The following TIMP2 variants were observed in gnomAD, a reference collection of about 807,000 sequenced individuals.
TIMP2 encodes TIMP metallopeptidase inhibitor 2.
In TIMP2, 5 loss-of-function variants were observed where a neutral mutation model predicts 24.3. That is an observed-to-expected ratio of 0.21 (90% CI 0.11 to 0.43). The LOEUF (loss-of-function observed/expected upper bound fraction) is 0.43, where lower values mean the gene tolerates loss of function less well. Ranked by LOEUF, TIMP2 falls within the 20% of genes least tolerant of loss-of-function variation. The pLI is 1.00. For synonymous variants in TIMP2, 130 were observed against 123.2 expected (o/e 1.06, Z -0.37); for missense variants, 221 against 297.5 (o/e 0.74, Z 1.89).
chr17:78,913,211 A>C (rs1352835525), intron 1 of TIMP2, among the ~76,000 whole-genome samples: 1 of 152,208 alleles, frequency 6.6e-6, no homozygotes, highest in Non-Finnish European at 1.5e-5. Flanking sequence ...ACAAGGGCTG[A>C]GACCCGCGGC....
At chr17:78,922,098 G>A (rs1023131611) in intron 1 of TIMP2, 3 of 152,230 alleles carry the variant, frequency 2.0e-5, no homozygotes, top group Non-Finnish European at 4.4e-5. Context: ...CGAAGTCTGA[G>A]CAAGACCCTC....
At chr17:78,874,938 G>A (rs534471181) in intron 1 of TIMP2, among the ~76,000 whole-genome samples, 3 of 152,072 alleles carry the variant, frequency 2.0e-5, no homozygotes, top group Non-Finnish European at 4.4e-5. Flanking sequence ...AAAGCGTTTC[G>A]CCATGTTGGC....
rs556052287 is a variant in TIMP2, at chr17:78,874,744, A to ATGT, written c.131-826_131-825insACA. 1.2e-4 allele frequency among the ~76,000 whole-genome samples: 16 copies of ATGT among 138,176 alleles called. No homozygotes were observed. The East Asian group carries it at 3.4e-3, about 29-fold the overall frequency. 90.6% of individuals were successfully genotyped at this position (138,176 alleles called of 152,430 possible). A position where few individuals can be genotyped will look rare whatever the true frequency, so the allele number is the denominator to read the frequency against. On this transcript the variant is annotated intron_variant, in intron 1 of 4. Coordinates refer to ENST00000262768, the MANE Select transcript of TIMP2 (RefSeq NM_003255.5). The stretch of plus-strand genomic sequence containing the variant: ...AGGCGTCTGTCACCACGCCCGGTTA[A>ATGT]TTTTTTTTTTTTTTCAGACGGAGTC...
At position 78,863,714 on chromosome 17, in the gene TIMP2, A is replaced by G. The variant is rs561769828; in HGVS notation, c.341-6068T>C. Among the ~76,000 whole-genome samples the G allele has an allele frequency of 1.2e-4, 19 of 152,080 alleles. No individual in the cohort carries two copies. The East Asian group carries it at 3.5e-3, about 28-fold the overall frequency. On this transcript the variant is annotated intron_variant, in intron 3 of 4. Coordinates refer to ENST00000262768, the MANE Select transcript of TIMP2 (RefSeq NM_003255.5). ...TCAGTATGACTCTCTGTATCGACTC[A>G]CCAGCTTTTCATGCAGTGCTGTGCT...
intron 3 of TIMP2, among the ~76,000 whole-genome samples, chr17:78,861,483 G>T (rs1393869877): frequency 2.6e-5 from 4 of 152,144 alleles, no homozygotes; most frequent in Admixed American, 6.6e-5. Flanking sequence ...TTGTTCTAAT[G>T]ATATGCTTCA....
At chr17:78,892,660 G>C in intron 1 of TIMP2, 2 of 738,264 alleles carry the variant, frequency 2.7e-6, no homozygotes, top group East Asian at 2.8e-5. Flanking sequence ...AGAGCCTGTA[G>C]GGCAGCTGTT....
intron 1 of TIMP2, among the ~76,000 whole-genome samples, chr17:78,909,270 G>C (rs563917676): frequency 2.0e-5 from 3 of 152,000 alleles, no homozygotes; most frequent in Non-Finnish European, 4.4e-5. Context: ...TGGGAGGACT[G>C]CTTGAGCCCA....
chr17:78,920,915 C>G lies in TIMP2; in HGVS notation c.130+4044G>C, dbSNP rs777073655. On this transcript the variant is annotated intron_variant, in intron 1 of 4. Transcript: ENST00000262768. This position sits in a 1 kb window ranked among gnomAD's most constrained non-coding sequence, Gnocchi z 4.5. ...ATGTCTTGCTTCTCCCTTACATCCC[C>G]GGGGGCAGAGGCAGCCACTCCATAA... Among the ~76,000 whole-genome samples the G allele has an allele frequency of 4.6e-5, 7 of 152,058 alleles. No homozygotes were observed. Among genetic ancestry groups the G allele is most frequent in the African/African-American group, 7.2e-5 (3 of 41,404 alleles).
At chr17:78,902,171 A>G (rs1413255438) in intron 1 of TIMP2, among the ~76,000 whole-genome samples, 1 of 152,124 alleles carries the variant, frequency 6.6e-6, no homozygotes, top group Non-Finnish European at 1.5e-5. Context: ...CAGTGGTGCG[A>G]TCTCAGCTTA....
rs777338932 is a variant in TIMP2, at chr17:78,910,984, G to A, written c.130+13975C>T. On this transcript the variant is annotated intron_variant, in intron 1 of 4. Coordinates refer to ENST00000262768, the MANE Select transcript of TIMP2 (RefSeq NM_003255.5). ...CTTTCCTTTGGATAAATGCCCAGTC[G>A]TGGGACTGCTGGATCATATGGCCGT... 3.6e-4 allele frequency among the ~76,000 whole-genome samples: 55 copies of A among 152,162 alleles called. 1 individual carries two copies. The highest frequency in any genetic ancestry group is 7.5e-4 in the Non-Finnish European group (51 of 68,034).
rs2070299947 is a variant in TIMP2 at position 78,920,358 on chromosome 17, A to C, written c.130+4601T>G. ...ACTGCGTACGTGGCTCTGCACCCCCAGAAGGGTGCAAATAGGGGAGGCCCG... is the reference window on the plus strand; with the variant it reads ...ACTGCGTACGTGGCTCTGCACCCCCCGAAGGGTGCAAATAGGGGAGGCCCG... On this transcript the variant is annotated intron_variant, in intron 1 of 4. Transcript: ENST00000262768. The surrounding 1 kb of genome is among the most constrained non-coding windows in gnomAD (Gnocchi z 4.5). 6.6e-6 allele frequency among the ~76,000 whole-genome samples: 1 copy of C among 152,164 alleles called. No homozygotes were observed. Among genetic ancestry groups the C allele is most frequent in the Non-Finnish European group, 1.5e-5 (1 of 68,022 alleles).
In TIMP2 at chr17:78,924,238, G is replaced by A. The variant is rs1356881211; in HGVS notation, c.130+721C>T. ...GCTGGGGAATCTGAGCAGCAGCACAGTCCCACGTGCCGGGTCCGGTCACCA... is the reference window on the plus strand; with the variant it reads ...GCTGGGGAATCTGAGCAGCAGCACAATCCCACGTGCCGGGTCCGGTCACCA... On this transcript the variant is annotated intron_variant, in intron 1 of 4. Transcript: ENST00000262768. The surrounding 1 kb of genome is among the most constrained non-coding windows in gnomAD (Gnocchi z 5.3). Among the ~76,000 whole-genome samples, 1 of 152,250 alleles carries A rather than the reference G, an allele frequency of 6.6e-6. No homozygotes were observed. The highest frequency in any genetic ancestry group is 1.5e-5 in the Non-Finnish European group (1 of 68,040).
chr17:78,880,266 T>A (rs1380640306), intron 1 of TIMP2, among the ~76,000 whole-genome samples: 2 of 151,954 alleles, frequency 1.3e-5, no homozygotes, highest in African/African-American at 4.8e-5. Context: ...CGTCCTCACG[T>A]CCCCTTCATA....
rs1402053558 is a variant in TIMP2, at chr17:78,920,850, C to G, written c.130+4109G>C. Among the ~76,000 whole-genome samples, 2 of 152,102 alleles carry G rather than the reference C, an allele frequency of 1.3e-5. No homozygotes were observed. The highest frequency in any genetic ancestry group is 4.8e-5 in the African/African-American group (2 of 41,410). ...GAACCCCCTTCCACACCGCCTGGTG[C>G]CAAGATGTACCACCCCCTGCATCCC... On this transcript the variant is annotated intron_variant, in intron 1 of 4. Transcript: ENST00000262768. This position sits in a 1 kb window ranked among gnomAD's most constrained non-coding sequence, Gnocchi z 4.5.
intron 1 of TIMP2, among the ~76,000 whole-genome samples, chr17:78,923,755 T>C (rs889717041): frequency 2.6e-5 from 4 of 152,042 alleles, no homozygotes. Flanking sequence ...CTCAATAGAT[T>C]GGTGCAACTG....
chr17:78,869,865 G>A (rs942423027), intron 3 of TIMP2, among the ~76,000 whole-genome samples: 14 of 152,174 alleles, frequency 9.2e-5, no homozygotes, highest in African/African-American at 2.7e-4. Flanking sequence ...TAACGTGAAC[G>A]AACCTTGAAA....
chr17:78,895,076 T>C (rs1439261691), intron 1 of TIMP2, among the ~76,000 whole-genome samples: 2 of 151,568 alleles, frequency 1.3e-5, no homozygotes. Context: ...AGGTCAGGAG[T>C]TCGAAAGCAG....
At chr17:78,897,107 C>A (rs1341557164) in intron 1 of TIMP2, 1 of 559,566 alleles carries the variant, frequency 1.8e-6, no homozygotes, top group Admixed American at 6.4e-5. Context: ...CCCCCCGCCC[C>A]CCGCCGGCCT....
rs111798434 is a variant in TIMP2 at position 78,872,905 on chromosome 17, C to T, written c.231+914G>A. On this transcript the variant is annotated intron_variant, in intron 2 of 4. Coordinates refer to ENST00000262768, the MANE Select transcript of TIMP2 (RefSeq NM_003255.5). The stretch of plus-strand genomic sequence containing the variant: ...AATGCAGTGGTGCAATCTCAGCTCA[C>T]GGCAACCTCTGCCTCCCAGGTTTAA... 3.0e-3 allele frequency among the ~76,000 whole-genome samples: 458 copies of T among 152,070 alleles called. 3 individuals are homozygous for T. Among genetic ancestry groups the T allele is most frequent in the African/African-American group, 1.0e-2 (413 of 41,474 alleles).
Sources: gnomAD v4.1 joint callset for allele counts (sites outside exome capture counted in the v4.1 genomes callset) on GRCh38, gnomAD v4.1.1 for gene constraint, Gnocchi (gnomAD v3.1) non-coding constraint, MANE v1.5 for transcripts, NCBI Gene and HGNC (gene_info 2026-07-23, HGNC 2026-07-21) for gene names.